Variants in PDZD2 observed in about 807,000 individuals in gnomAD.
PDZD2 encodes the protein PDZ domain-containing protein 2.
Under a neutral mutation model 220.7 loss-of-function variants are expected in PDZD2, and 90 were observed. The ratio of observed to expected loss-of-function variants is 0.41; its 90% CI spans 0.34 to 0.49. PDZD2 has a LOEUF of 0.49. Ranked by LOEUF, PDZD2 falls within the 20% of genes least tolerant of loss-of-function variation. The pLI, the probability that PDZD2 is intolerant of heterozygous loss-of-function variation, is 0.28. For missense variants in PDZD2, 3,174 were observed against 3,608.5 expected (o/e 0.88, Z 3.08); for synonymous variants, 1,375 against 1,450.5 (o/e 0.95, Z 1.18).
chr5:31,775,741 G>T (rs186459596), intron 1 of PDZD2, among the ~76,000 whole-genome samples: 91 of 150,366 alleles, frequency 6.1e-4, no homozygotes, highest in African/African-American at 1.9e-3. Context: ...GTAACGTGTT[G>T]GCCTTCCAAC....
At chr5:31,985,528 A>T (rs1210227635) in intron 3 of PDZD2, among the ~76,000 whole-genome samples, 1 of 151,978 alleles carries the variant, frequency 6.6e-6, no homozygotes, top group Non-Finnish European at 1.5e-5. Flanking sequence ...AACCAAAAAT[A>T]CTAAAAATAC....
At chr5:31,755,978 G>GA (rs1751284492) in intron 1 of PDZD2, among the ~76,000 whole-genome samples, 1 of 152,130 alleles carries the variant, frequency 6.6e-6, no homozygotes, top group South Asian at 2.1e-4. Context: ...ATTTGCTACA[G>GA]AAAACTGCCT....
intron 2 of PDZD2, chr5:31,923,528 G>T: frequency 1.1e-6 from 1 of 899,352 alleles, no homozygotes; most frequent in South Asian, 1.3e-5. Flanking sequence ...GCCTACTTTG[G>T]GGATAAAGGA....
At chr5:31,989,334 G>C (rs748976792) in intron 3 of PDZD2, among the ~76,000 whole-genome samples, 3 of 151,954 alleles carry the variant, frequency 2.0e-5, no homozygotes, top group Middle Eastern at 6.8e-3. Flanking sequence ...AATGGCCTTT[G>C]GTTCCATCCA....
At chr5:31,899,180 G>A (rs759526097) in intron 2 of PDZD2, among the ~76,000 whole-genome samples, 6 of 151,926 alleles carry the variant, frequency 3.9e-5, no homozygotes, top group South Asian at 2.1e-4. Flanking sequence ...AGGCTGGAGC[G>A]CAGTGGCATG....
intron 2 of PDZD2, among the ~76,000 whole-genome samples, chr5:31,981,329 C>T (rs966195399): frequency 1.3e-5 from 2 of 152,184 alleles, no homozygotes; most frequent in African/African-American, 4.8e-5. Flanking sequence ...TAGACAGTCA[C>T]TGTCATTCCA....
At position 31,690,843 on chromosome 5, in the gene PDZD2, T is replaced by G. The variant is rs576318525; in HGVS notation, c.-361+51406T>G. ...GAATTAGGATGCAAACATATTTTTT[T>G]GGGGGGCCACTGTCCAGCCCACTAC... On this transcript the variant is annotated intron_variant, in intron 1 of 24. Coordinates refer to ENST00000438447, the MANE Select transcript of PDZD2 (RefSeq NM_178140.4). 3.4e-4 allele frequency among the ~76,000 whole-genome samples: 52 copies of G among 152,312 alleles called. No homozygotes were observed. In the South Asian group the frequency reaches 9.3e-3, roughly 27 times the overall value.
At chr5:31,709,770 A>G (rs1432197756) in intron 1 of PDZD2, among the ~76,000 whole-genome samples, 1 of 152,218 alleles carries the variant, frequency 6.6e-6, no homozygotes, top group South Asian at 2.1e-4. Context: ...AACCTGGCCA[A>G]CATGGTGAAA....
rs554223717 is a variant in PDZD2, at chr5:32,057,057, G to A, written c.1901-598G>A. On this transcript the variant is annotated intron_variant, in intron 10 of 24. Coordinates refer to ENST00000438447, the MANE Select transcript of PDZD2 (RefSeq NM_178140.4). The stretch of plus-strand genomic sequence containing the variant: ...TGTAGTGAGCTGAGGTCACGCCACC[G>A]CACTCTAGCCTGGGTGACTGAGCCA... 5.4e-4 allele frequency among the ~76,000 whole-genome samples: 82 copies of A among 152,238 alleles called. 1 individual carries two copies. The highest frequency in any genetic ancestry group is 4.3e-3 in the Admixed American group (66 of 15,292).
At chr5:31,658,768 C>T (rs943691600) in intron 1 of PDZD2, among the ~76,000 whole-genome samples, 3 of 152,052 alleles carry the variant, frequency 2.0e-5, no homozygotes, top group Non-Finnish European at 4.4e-5. Flanking sequence ...TACAGGCACA[C>T]GCCACCACGC....
At chr5:31,671,377 C>T (rs547507126) in intron 1 of PDZD2, among the ~76,000 whole-genome samples, 5 of 152,348 alleles carry the variant, frequency 3.3e-5, no homozygotes, top group South Asian at 2.1e-4. Context: ...GTGTGTAACG[C>T]TGTGTCCATG....
intron 2 of PDZD2, among the ~76,000 whole-genome samples, chr5:31,919,402 G>T (rs962104290): frequency 1.3e-5 from 2 of 151,640 alleles, no homozygotes; most frequent in Non-Finnish European, 2.9e-5. Context: ...GCTAGAGTGC[G>T]GCGGTACGAT....
intron 2 of PDZD2, among the ~76,000 whole-genome samples, chr5:31,946,743 G>A (rs1746668970): frequency 6.6e-6 from 1 of 152,204 alleles, no homozygotes; most frequent in South Asian, 2.1e-4. Flanking sequence ...CCAGGTTGGA[G>A]TGCACTGGTG....
chr5:32,055,546 C>T (rs113608314), intron 10 of PDZD2, among the ~76,000 whole-genome samples: 1 of 152,148 alleles, frequency 6.6e-6, no homozygotes, highest in Non-Finnish European at 1.5e-5. Context: ...CGATTTTTTC[C>T]TCTCACTTAT....
At chr5:32,058,789 G>A (rs939454664) in intron 12 of PDZD2, among the ~76,000 whole-genome samples, 2 of 152,026 alleles carry the variant, frequency 1.3e-5, no homozygotes, top group Admixed American at 6.6e-5. Flanking sequence ...TAGAATTCAT[G>A]CGTGATCACC....
chr5:32,057,623 A>C (rs777063241), intron 10 of PDZD2, 32 bp from the exon 11 acceptor site: 1 of 1,262,784 alleles, frequency 7.9e-7, no homozygotes, highest in African/African-American at 1.5e-5. Context: ...TTAAAGGCTA[A>C]TGTTAATGTA....
chr5:31,740,295 C>A (rs904011432), intron 1 of PDZD2, among the ~76,000 whole-genome samples: 3 of 151,348 alleles, frequency 2.0e-5, no homozygotes, highest in African/African-American at 7.3e-5. Flanking sequence ...CCGAGGCGGG[C>A]AGATCACAAG....
At chr5:31,850,016 AC>A (rs1757904598) in intron 2 of PDZD2, among the ~76,000 whole-genome samples, 1 of 101,592 alleles carries the variant, frequency 9.8e-6, no homozygotes, top group South Asian at 2.9e-4. Flanking sequence ...ATACACACAC[AC>A]GTATATACTC....
intron 2 of PDZD2, among the ~76,000 whole-genome samples, chr5:31,941,735 T>G (rs1041980376): frequency 7.9e-5 from 12 of 152,212 alleles, no homozygotes; most frequent in Non-Finnish European, 2.9e-5. Flanking sequence ...CATTAGATGC[T>G]CTTATGCCTG....
Sources: gnomAD v4.1 joint callset for allele counts (sites outside exome capture counted in the v4.1 genomes callset) on GRCh38, gnomAD v4.1.1 for gene constraint, MANE v1.5 for transcripts, NCBI Gene and HGNC (gene_info 2026-07-23, HGNC 2026-07-21) for gene names.